Variants in WARS1 observed in about 807,000 individuals in gnomAD.
WARS1 encodes the protein tryptophan--tRNA ligase, cytoplasmic.
WARS1 carries 17 observed loss-of-function variants against 47.8 expected under a neutral mutation model. That is an observed-to-expected ratio of 0.36 (90% confidence interval 0.24 to 0.53). The LOEUF is 0.53. Among genes scored for constraint, WARS1 ranks in the 20% least tolerant of loss-of-function variants. WARS1 has a pLI of 0.91. For synonymous variants in WARS1, 208 were observed against 228.1 expected (o/e 0.91, Z 0.79); for missense variants, 434 against 608.0 (o/e 0.71, Z 3.01).
intron 6 of WARS1, among the ~76,000 whole-genome samples, chr14:100,350,088 C>T (rs1290018538): frequency 6.6e-6 from 1 of 152,126 alleles, no homozygotes; most frequent in Non-Finnish European, 1.5e-5. Flanking sequence ...TTCATCTTTA[C>T]CCCATGTTTG....
intron 4 of WARS1, among the ~76,000 whole-genome samples, chr14:100,359,939 GAACAGAAC>G (rs1272072671): frequency 1.3e-5 from 2 of 152,130 alleles, no homozygotes; most frequent in African/African-American, 4.8e-5. Flanking sequence ...AGTGCCAGTA[GAACAGAAC>G]AACCCTACAT....
At chr14:100,342,264 T>A in intron 9 of WARS1, 134 bp downstream of exon 9, 2 of 1,277,026 alleles carry the variant, frequency 1.6e-6, no homozygotes, top group Non-Finnish European at 2.2e-6. Context: ...AAGTTGGCAA[T>A]CCTGGAGTTC....
rs1293811771 is a variant in WARS1, at chr14:100,334,302, AAAAGC to A, written c.*568_*572del. On this transcript the variant is annotated 3_prime_UTR_variant, in exon 11 of 11. Coordinates refer to ENST00000392882, the MANE Select transcript of WARS1 (RefSeq NM_004184.4). ...TGAACTCTGTTCAATCTTCATTGTT[AAAAGC>A]AGCTTTAAAGCTGGGTGATTTCTTA... 5 of 152,604 alleles carry A rather than the reference AAAAGC, an allele frequency of 3.3e-5. No homozygotes were observed. The highest frequency in any genetic ancestry group is 1.2e-4 in the African/African-American group (5 of 41,456). 9.5% of individuals were successfully genotyped at this position (152,604 alleles called of 1,614,324 possible).
chr14:100,353,288 T>C (rs1027188695), intron 6 of WARS1, among the ~76,000 whole-genome samples: 3 of 152,184 alleles, frequency 2.0e-5, no homozygotes, highest in African/African-American at 7.2e-5. Context: ...TCTCGCTCTG[T>C]TGCCCAGGCT....
intron 7 of WARS1, among the ~76,000 whole-genome samples, chr14:100,344,598 G>T (rs1894408403): frequency 2.0e-5 from 3 of 150,482 alleles, no homozygotes; most frequent in East Asian, 2.0e-4. Flanking sequence ...GGAAAGTGAG[G>T]AGCGTCTCTG....
At chr14:100,363,501 C>T (rs1374612102) in intron 2 of WARS1, among the ~76,000 whole-genome samples, 2 of 151,976 alleles carry the variant, frequency 1.3e-5, no homozygotes, top group African/African-American at 2.4e-5. Context: ...TTCGAGACCA[C>T]CCTAGGCAAC....
chr14:100,352,789 G>C (rs1370302611), intron 6 of WARS1: 2 of 152,228 alleles, frequency 1.3e-5, no homozygotes, highest in African/African-American at 2.4e-5. Flanking sequence ...AGAAATATTT[G>C]TTGAGCTAGA....
intron 9 of WARS1, 51 bp from the exon 10 acceptor site, chr14:100,337,253 C>T (rs1439476524): frequency 1.9e-6 from 3 of 1,589,484 alleles, no homozygotes; most frequent in Non-Finnish European, 2.6e-6. Flanking sequence ...TCATCCTGTG[C>T]CTGGACACTG....
At chr14:100,345,016 G>C (rs1254652418) in intron 7 of WARS1, among the ~76,000 whole-genome samples, 1 of 147,876 alleles carries the variant, frequency 6.8e-6, no homozygotes, top group Non-Finnish European at 1.5e-5. Context: ...TCAGCCCCCC[G>C]CCCGGCCAGC....
intron 1 of WARS1, among the ~76,000 whole-genome samples, chr14:100,371,762 T>C (rs1195986854): frequency 6.6e-6 from 1 of 152,004 alleles, no homozygotes; most frequent in Non-Finnish European, 1.5e-5. Context: ...AAAAAGTATG[T>C]AAATCACGGG....
At chr14:100,356,398 TG>T (rs57891102) in intron 4 of WARS1, among the ~76,000 whole-genome samples, 8,516 of 106,364 alleles carry the variant, frequency 0.08, 659 homozygotes, top group Non-Finnish European at 0.096. Context: ...TGTGTGTGTG[TG>T]GGGGGGGGTG....
intron 1 of WARS1, 108 bp downstream of exon 1, chr14:100,375,175 T>C (rs1896580557): frequency 2.0e-5 from 3 of 152,286 alleles, no homozygotes; most frequent in Admixed American, 6.5e-5. Flanking sequence ...GTAAAATGCA[T>C]AACACCCTAA....
rs2400898 is a variant in WARS1, at chr14:100,362,060, T to C, written c.100-139A>G. The C allele has an allele frequency of 0.73, 611,535 of 835,036 alleles. 227,318 individuals are homozygous for C. Among genetic ancestry groups the C allele is most frequent in the Admixed American group, 0.83 (35,998 of 43,430 alleles). 51.7% of individuals were successfully genotyped at this position (835,036 alleles called of 1,614,324 possible). A position where few individuals can be genotyped will look rare whatever the true frequency, so the allele number is the denominator to read the frequency against. Reference sequence around the variant, plus strand: ...TAGTGTCACAACCCTACAAGGCAGGTATTGTTGTCACTGTCCTTTTCCAGC... The same window carrying C: ...TAGTGTCACAACCCTACAAGGCAGGCATTGTTGTCACTGTCCTTTTCCAGC... On this transcript the variant is annotated intron_variant, in intron 2 of 10. Transcript: ENST00000392882.
At chr14:100,361,092 G>A (rs2146107) in intron 3 of WARS1, among the ~76,000 whole-genome samples, 3 of 152,044 alleles carry the variant, frequency 2.0e-5, no homozygotes, top group African/African-American at 7.3e-5. Flanking sequence ...AATTAATGTC[G>A]GTCTTCAAGT....
intron 2 of WARS1, chr14:100,365,999 TGAAGTCTCTTCAA>T (rs1269174578): frequency 2.2e-6 from 1 of 455,894 alleles, no homozygotes. Context: ...GAGCGCTGGT[TGAAGTCTCTTCAA>T]GAAGCAGTTA....
At chr14:100,353,140 G>T (rs908141679) in intron 6 of WARS1, 6 of 152,238 alleles carry the variant, frequency 3.9e-5, no homozygotes, top group African/African-American at 1.4e-4. Flanking sequence ...TAATTATGGA[G>T]ACAATAATCG....
At position 100,342,530 on chromosome 14, in the gene WARS1, G is replaced by C; in HGVS notation, c.981C>G (p.Ile327Met). 6.2e-7 allele frequency: 1 copy of C among 1,613,146 alleles called. No individual in the cohort carries two copies. Among genetic ancestry groups the C allele is most frequent in the Non-Finnish European group, 8.5e-7 (1 of 1,179,712 alleles). The change falls in exon 9 of 11, where the codon ATC becomes ATG. Residue 327 changes from isoleucine (I) to methionine (M), a missense_variant. By Grantham distance (10) the Ile-to-Met change is conservative. Around this residue, in one of 2 missense-constraint regions of WARS1, gnomAD observed 347 missense variants for 523.8 expected, o/e 0.66. Coordinates refer to ENST00000392882, the MANE Select transcript of WARS1 (RefSeq NM_004184.4). ...FRMTRDVAPR[I>M]GYPKPALLHS... Reference sequence around the variant, plus strand: ...GCAGCAGGGCTGGTTTAGGATAGCCGATCCTGGGGGCGACGTCCCTTGTCA... The same window carrying C: ...GCAGCAGGGCTGGTTTAGGATAGCCCATCCTGGGGGCGACGTCCCTTGTCA...
In WARS1 at chr14:100,361,785, T is replaced by A. The variant is rs140996628; in HGVS notation, c.236A>T (p.Glu79Val). Residue 79 changes from glutamate (E) to valine (V), a missense_variant, in exon 3 of 11, where the codon GAA (glutamate) becomes GTA (valine). Glu to Val is a moderately radical substitution (Grantham distance 121). This residue lies in a region of WARS1 where 347 missense variants were observed against 523.8 expected (regional missense o/e 0.66). Coordinates refer to ENST00000392882, the MANE Select transcript of WARS1 (RefSeq NM_004184.4). ...TGGGTCCACAAAATCCTCTTCAGCT[T>A]CTGTGGCATCTGGGCCATGATTACT... ...PTSNHGPDAT[E>V]AEEDFVDPWT... 78 of 1,614,076 alleles carry A rather than the reference T, an allele frequency of 4.8e-5. No individual in the cohort carries two copies. The African/African-American group carries it at 9.7e-4, about 20-fold the overall frequency.
At chr14:100,344,356 A>G (rs1397386157) in intron 7 of WARS1, among the ~76,000 whole-genome samples, 3 of 152,266 alleles carry the variant, frequency 2.0e-5, no homozygotes, top group East Asian at 1.9e-4. Context: ...AGGTGCCGGG[A>G]TTGCAGACGG....
Sources: gnomAD v4.1 joint callset for allele counts (sites outside exome capture counted in the v4.1 genomes callset) on GRCh38, gnomAD v4.1.1 for gene constraint, gnomAD v4.1.1 regional missense constraint, MANE v1.5 for transcripts, NCBI Gene and HGNC (gene_info 2026-07-23, HGNC 2026-07-21) for gene names.